Variants in FBXO31 observed in about 807,000 individuals in gnomAD.
The protein encoded by FBXO31 is F-box only protein 31.
FBXO31 carries 24 observed loss-of-function variants against 54.4 expected under a neutral mutation model. That is an observed-to-expected ratio of 0.44 (90% CI 0.32 to 0.62). The LOEUF (loss-of-function observed/expected upper bound fraction) is 0.62, where lower values mean the gene tolerates loss of function less well. FBXO31 is among the 20% of genes least tolerant of loss of function. The pLI, the probability that FBXO31 is intolerant of heterozygous loss-of-function variation, is 0.05. For synonymous variants in FBXO31, 388 were observed against 335.6 expected (o/e 1.16, Z -1.71); for missense variants, 665 against 787.1 (o/e 0.84, Z 1.86).
intron 4 of FBXO31, among the ~76,000 whole-genome samples, chr16:87,343,164 A>G (rs1905245729): frequency 6.6e-6 from 1 of 152,232 alleles, no homozygotes; most frequent in Non-Finnish European, 1.5e-5. Flanking sequence ...GGCACATCTG[A>G]GAGAGTGGCG....
chr16:87,359,268 G>A (rs1906029762), intron 2 of FBXO31, among the ~76,000 whole-genome samples: 1 of 152,130 alleles, frequency 6.6e-6, no homozygotes, highest in Non-Finnish European at 1.5e-5. Flanking sequence ...CCCCTCTTCT[G>A]TGCCCACCCC....
At chr16:87,371,035 C>T (rs1906581748) in intron 1 of FBXO31, among the ~76,000 whole-genome samples, 1 of 152,204 alleles carries the variant, frequency 6.6e-6, no homozygotes, top group African/African-American at 2.4e-5. Context: ...CAGCCACCAG[C>T]CTGACTGCAT....
Position 87,383,364 on chromosome 16 carries a change from A to ACCCCCCCCCCCACCCCGCCCCCCCCC in FBXO31, c.340+40_340+41insGGGGGGGGGCGGGGTGGGGGGGGGGG. ...GCTCCGAGGCCTCCACCTGGCAGGGACCCCCCGCCCCTCCCGGCCCCGCCA... is the reference window on the plus strand; with the variant it reads ...GCTCCGAGGCCTCCACCTGGCAGGGACCCCCCCCCCCACCCCGCCCCCCCCCCCCCCCGCCCCTCCCGGCCCCGCCA... On this transcript the variant is annotated intron_variant, in intron 1 of 8. Transcript: ENST00000311635. This position sits in a 1 kb window ranked among gnomAD's most constrained non-coding sequence, Gnocchi z 4.9. 2.3e-6 allele frequency: 3 copies of ACCCCCCCCCCCACCCCGCCCCCCCCC among 1,329,444 alleles called. No homozygotes were observed. The highest frequency in any genetic ancestry group is 3.1e-6 in the Non-Finnish European group (3 of 975,774). 82.4% of individuals were successfully genotyped at this position (1,329,444 alleles called of 1,614,324 possible).
chr16:87,353,842 A>T (rs1390150223), intron 2 of FBXO31, among the ~76,000 whole-genome samples: 1 of 152,268 alleles, frequency 6.6e-6, no homozygotes, highest in African/African-American at 2.4e-5. Context: ...TCTGGCCTCC[A>T]GCCTGTGAGA....
chr16:87,351,669 G>C (rs1296664204), intron 2 of FBXO31, among the ~76,000 whole-genome samples: 2 of 152,184 alleles, frequency 1.3e-5, no homozygotes, highest in Admixed American at 1.3e-4. Flanking sequence ...AGGAGTTTAA[G>C]ACCAGCCTGG....
At chr16:87,362,161 C>T (rs1342605766) in intron 1 of FBXO31, among the ~76,000 whole-genome samples, 1 of 152,158 alleles carries the variant, frequency 6.6e-6, no homozygotes, top group Non-Finnish European at 1.5e-5. Flanking sequence ...GATGGAAACA[C>T]AACGTGAGCC....
intron 2 of FBXO31, among the ~76,000 whole-genome samples, chr16:87,357,181 G>A (rs1905927760): frequency 6.6e-6 from 1 of 151,762 alleles, no homozygotes; most frequent in African/African-American, 2.4e-5. Context: ...GGAGTTCAAG[G>A]ATACAATGAG....
intron 1 of FBXO31, 140 bp from the exon 2 acceptor site, chr16:87,360,506 T>G: frequency 1.5e-6 from 1 of 675,152 alleles, no homozygotes. Flanking sequence ...ACTGTGGAGA[T>G]TTCACTGACT....
At chr16:87,348,130 T>C (rs932396755) in intron 2 of FBXO31, among the ~76,000 whole-genome samples, 3 of 152,050 alleles carry the variant, frequency 2.0e-5, no homozygotes, top group African/African-American at 7.2e-5. Flanking sequence ...CAGGCAGGCC[T>C]GAACCCCCAG....
intron 2 of FBXO31, among the ~76,000 whole-genome samples, chr16:87,359,379 C>A (rs1449837075): frequency 6.6e-6 from 1 of 152,198 alleles, no homozygotes. Context: ...CTCCGACCCC[C>A]ACAGCTGGAA....
chr16:87,341,619 G>GCACTC (rs1316070126), intron 5 of FBXO31, among the ~76,000 whole-genome samples: 1 of 126,512 alleles, frequency 7.9e-6, no homozygotes, highest in Non-Finnish European at 1.5e-5. Context: ...TCACGTCACT[G>GCACTC]CACTCCAGCC....
upstream of FBXO31, chr16:87,383,811 C>A: frequency 1.9e-6 from 2 of 1,080,946 alleles, no homozygotes; most frequent in Non-Finnish European, 2.3e-6. This position sits in a 1 kb window ranked among gnomAD's most constrained non-coding sequence, Gnocchi z 4.9. Context: ...CCCGCCAGCG[C>A]CGAGCCACGC....
rs1184366227 is a variant in FBXO31, at chr16:87,338,347, G to A, written c.733-2083C>T. 2.6e-5 allele frequency among the ~76,000 whole-genome samples: 4 copies of A among 152,164 alleles called. No individual in the cohort carries two copies. Among genetic ancestry groups the A allele is most frequent in the Non-Finnish European group, 1.5e-5 (1 of 68,032 alleles). On this transcript the variant is annotated intron_variant, in intron 5 of 8. Transcript: ENST00000311635. This position sits in a 1 kb window ranked among gnomAD's most constrained non-coding sequence, Gnocchi z 4.3. ...ACTCGCGACCCTCGTGGCAGCGCCG[G>A]CAGAGGGGGCTGAGGGTGACAAGGA...
intron 2 of FBXO31, among the ~76,000 whole-genome samples, chr16:87,356,814 G>A (rs1905912300): frequency 6.6e-6 from 1 of 152,176 alleles, no homozygotes; most frequent in South Asian, 2.1e-4. Flanking sequence ...CATCGGGGTG[G>A]ACTGAAAGCA....
In FBXO31 at chr16:87,335,499, C is replaced by A; in HGVS notation, c.843-42G>T. ...GGTCAGTACAGGAGACCTCGTGGGG[C>A]AGGCAGGACTGAGAACGCCCAAGGT... On this transcript the variant is annotated intron_variant, in intron 6 of 8. Coordinates refer to ENST00000311635, the MANE Select transcript of FBXO31 (RefSeq NM_024735.5). The surrounding 1 kb of genome is among the most constrained non-coding windows in gnomAD (Gnocchi z 5.7). 6.3e-7 allele frequency: 1 copy of A among 1,578,400 alleles called. No homozygotes were observed. The highest frequency in any genetic ancestry group is 1.7e-5 in the Admixed American group (1 of 58,044).
upstream of FBXO31, chr16:87,391,462 C>T (rs1357161209): frequency 6.6e-6 from 1 of 152,262 alleles, no homozygotes; most frequent in Non-Finnish European, 1.5e-5. Flanking sequence ...GAGTCTGAGA[C>T]TCAAAAACTG....
At chr16:87,380,608 G>A (rs1907035790) in intron 1 of FBXO31, among the ~76,000 whole-genome samples, 1 of 152,130 alleles carries the variant, frequency 6.6e-6, no homozygotes, top group Non-Finnish European at 1.5e-5. Flanking sequence ...GGCTGGTCTT[G>A]AACTCCTGGG....
intron 5 of FBXO31, among the ~76,000 whole-genome samples, chr16:87,337,140 A>T (rs1343075700): frequency 2.0e-5 from 3 of 152,248 alleles, no homozygotes; most frequent in African/African-American, 7.2e-5. Context: ...CTGGATTTTT[A>T]TGTCCTAGCA....
chr16:87,372,367 G>A (rs1300660215), intron 1 of FBXO31, among the ~76,000 whole-genome samples: 2 of 152,050 alleles, frequency 1.3e-5, no homozygotes, highest in Non-Finnish European at 1.5e-5. Flanking sequence ...AAAGGCAGAG[G>A]AAAAGGAAAA....
Sources: gnomAD v4.1 joint callset for allele counts (sites outside exome capture counted in the v4.1 genomes callset) on GRCh38, gnomAD v4.1.1 for gene constraint, Gnocchi (gnomAD v3.1) non-coding constraint, MANE v1.5 for transcripts, NCBI Gene and HGNC (gene_info 2026-07-23, HGNC 2026-07-21) for gene names.